The following CYP3A5 variants were observed in gnomAD, a reference collection of about 807,000 sequenced individuals.
CYP3A5 encodes cytochrome P450 3A5.
In CYP3A5, 51 loss-of-function variants were observed where a neutral mutation model predicts 55.9. The ratio of observed to expected loss-of-function variants is 0.91; its 90% confidence interval spans 0.73 to 1.15. CYP3A5 has a LOEUF of 1.15. Ranked by LOEUF, CYP3A5 falls within the 50% of genes most tolerant of loss-of-function variation. CYP3A5 has a pLI of 0.00. For synonymous variants in CYP3A5, 196 were observed against 213.9 expected, an observed-to-expected ratio of 0.92 and a Z score of 0.73; for missense variants, 533 against 596.6, an observed-to-expected ratio of 0.89 and a Z score of 1.11.
intron 2 of CYP3A5, 111 bp from the exon 3 acceptor site, chr7:99,674,696 C>A: frequency 1.3e-6 from 1 of 781,772 alleles, no homozygotes; most frequent in South Asian, 1.8e-5. Context: ...TGCTATCTTT[C>A]ACTGGCAGTT....
At chr7:99,672,123 C>T (rs941053588) in intron 4 of CYP3A5, among the ~76,000 whole-genome samples, 2 of 152,080 alleles carry the variant, frequency 1.3e-5, no homozygotes, top group Admixed American at 1.3e-4. Flanking sequence ...GTGATCTCGG[C>T]TCACTGCAAC....
At chr7:99,664,954 G>A (rs1810836873) in intron 7 of CYP3A5, among the ~76,000 whole-genome samples, 1 of 152,160 alleles carries the variant, frequency 6.6e-6, no homozygotes. Flanking sequence ...GGGCAGTGGG[G>A]TTTGTGGTGG....
At chr7:99,666,534 G>A (rs1282186908) in intron 6 of CYP3A5, 67 bp downstream of exon 6, 9 of 1,524,114 alleles carry the variant, frequency 5.9e-6, no homozygotes, top group Admixed American at 1.7e-5. Context: ...TGCGACTGTC[G>A]ACTCCATGGC....
At chr7:99,668,785 G>C (rs1272120646) in intron 4 of CYP3A5, among the ~76,000 whole-genome samples, 2 of 152,214 alleles carry the variant, frequency 1.3e-5, no homozygotes, top group Non-Finnish European at 2.9e-5. Context: ...GTCGCCATTT[G>C]TACGCATGTG....
chr7:99,659,760 A>C (rs1010953115), intron 10 of CYP3A5: 2 of 153,192 alleles, frequency 1.3e-5, no homozygotes, highest in Non-Finnish European at 2.9e-5. Flanking sequence ...TTACCTACTC[A>C]AGCCTTAGCA....
chr7:99,656,770 G>T (rs1005021385), intron 10 of CYP3A5, among the ~76,000 whole-genome samples: 1 of 152,136 alleles, frequency 6.6e-6, no homozygotes, highest in African/African-American at 2.4e-5. Flanking sequence ...CCTGTTATTG[G>T]TCTATTCAGA....
intron 4 of CYP3A5, 128 bp downstream of exon 4, chr7:99,672,452 G>A (rs1584467066): frequency 2.7e-6 from 2 of 753,042 alleles, no homozygotes; most frequent in East Asian, 5.2e-5. Flanking sequence ...GGGCGGGACA[G>A]GATGAAGAGT....
At chr7:99,678,379 C>T (rs149255144) in intron 1 of CYP3A5, among the ~76,000 whole-genome samples, 3 of 152,338 alleles carry the variant, frequency 2.0e-5, no homozygotes, top group Admixed American at 2.0e-4. Flanking sequence ...GAAGCCTTTG[C>T]TATCGTCACT....
chr7:99,665,009 C>T (rs949957768), intron 7 of CYP3A5, among the ~76,000 whole-genome samples, 157 bp downstream of exon 7: 3 of 152,138 alleles, frequency 2.0e-5, no homozygotes, highest in African/African-American at 7.2e-5. Flanking sequence ...TTGACAAAAA[C>T]ATTTTAGTTT....
intron 11 of CYP3A5, 92 bp downstream of exon 11, chr7:99,652,461 C>A: frequency 1.3e-6 from 1 of 764,200 alleles, no homozygotes. Flanking sequence ...AATGATTGTA[C>A]AACCACACGA....
chr7:99,665,791 A>G lies in CYP3A5; in HGVS notation c.522-477T>C, dbSNP rs192382783. Among the ~76,000 whole-genome samples the G allele has an allele frequency of 9.2e-5, 14 of 152,350 alleles. No homozygotes were observed. In the East Asian group the frequency reaches 2.7e-3, roughly 29 times the overall value. ...CAGTAACACCCTGTTCTGAGTTCCTAGAAATATCATCCTTTATTCTCTACA... is the reference window on the plus strand; with the variant it reads ...CAGTAACACCCTGTTCTGAGTTCCTGGAAATATCATCCTTTATTCTCTACA... On this transcript the variant is annotated intron_variant, in intron 6 of 12. Transcript: ENST00000222982.
intron 9 of CYP3A5, among the ~76,000 whole-genome samples, chr7:99,661,142 A>G (rs999693678): frequency 6.6e-6 from 1 of 152,186 alleles, no homozygotes; most frequent in African/African-American, 2.4e-5. Context: ...TTTTCTCTAT[A>G]TATGTTTGAG....
intron 12 of CYP3A5, among the ~76,000 whole-genome samples, chr7:99,648,833 TG>T (rs1186497617): frequency 6.6e-6 from 1 of 152,216 alleles, no homozygotes; most frequent in Non-Finnish European, 1.5e-5. Flanking sequence ...TTTAATTATG[TG>T]GGCAGTTTTC....
intron 12 of CYP3A5, among the ~76,000 whole-genome samples, chr7:99,649,549 C>T (rs965642490): frequency 9.2e-5 from 14 of 152,164 alleles, no homozygotes; most frequent in Non-Finnish European, 1.3e-4. Context: ...CTTGGCTTCA[C>T]GTGAGAACTA....
At chr7:99,661,936 G>A (rs1810488725) in intron 9 of CYP3A5, among the ~76,000 whole-genome samples, 1 of 152,158 alleles carries the variant, frequency 6.6e-6, no homozygotes, top group African/African-American at 2.4e-5. Flanking sequence ...AGTGGCATTG[G>A]CCACATGTCC....
Position 99,672,680 on chromosome 7 carries a change from C to G in CYP3A5, c.219-1G>C, listed in dbSNP as rs1220943116. 6.2e-7 allele frequency: 1 copy of G among 1,613,942 alleles called. No homozygotes were observed. The highest frequency in any genetic ancestry group is 2.2e-5 in the East Asian group (1 of 44,890). On this transcript the variant is annotated splice_acceptor_variant, in intron 3 of 12. Coordinates refer to ENST00000222982, the MANE Select transcript of CYP3A5 (RefSeq NM_000777.5). LOFTEE classifies it high-confidence loss of function. ...CACAGGGAGTTGACCTTCATACGTT[C>G]TGTGTGGGGACAACGGAGCTGATTA...
chr7:99,651,269 C>A (rs1332674348), intron 11 of CYP3A5, among the ~76,000 whole-genome samples: 1 of 152,130 alleles, frequency 6.6e-6, no homozygotes, highest in African/African-American at 2.4e-5. Context: ...TATATACACA[C>A]ACATATACGT....
chr7:99,679,698 A>G lies in CYP3A5; in HGVS notation c.71+128T>C, dbSNP rs905888885. 17 of 811,240 alleles carry G rather than the reference A, an allele frequency of 2.1e-5. No homozygotes were observed. In the African/African-American group the frequency reaches 2.6e-4, roughly 12 times the overall value. 50.3% of individuals were successfully genotyped at this position (811,240 alleles called of 1,614,324 possible). Reference sequence around the variant, plus strand: ...ATAATAATAACTTCTATGCGTTTGTAGCGTCCAACACTTCAGCTACTTCTC... The same window carrying G: ...ATAATAATAACTTCTATGCGTTTGTGGCGTCCAACACTTCAGCTACTTCTC... On this transcript the variant is annotated intron_variant, in intron 1 of 12. Coordinates refer to ENST00000222982, the MANE Select transcript of CYP3A5 (RefSeq NM_000777.5).
rs569042578 is a variant in CYP3A5 at position 99,653,003 on chromosome 7, T to A, written c.1027-224A>T. Among the ~76,000 whole-genome samples, 1 of 152,280 alleles carries A rather than the reference T, an allele frequency of 6.6e-6. No individual in the cohort carries two copies. The highest frequency in any genetic ancestry group is 2.1e-4 in the South Asian group (1 of 4,824). On this transcript the variant is annotated intron_variant, in intron 10 of 12. Coordinates refer to ENST00000222982, the MANE Select transcript of CYP3A5 (RefSeq NM_000777.5). The surrounding 1 kb of genome is among the most constrained non-coding windows in gnomAD (Gnocchi z 4.2). ...TGAATGTAGGAGATATTCAAGACCATCCTCACCCCAGGGACTGAAATCCTT... is the reference window on the plus strand; with the variant it reads ...TGAATGTAGGAGATATTCAAGACCAACCTCACCCCAGGGACTGAAATCCTT...
Sources: allele counts gnomAD v4.1 joint callset (sites outside exome capture counted in the v4.1 genomes callset), GRCh38; gene constraint gnomAD v4.1.1; non-coding constraint Gnocchi (gnomAD v3.1); transcripts MANE v1.5; gene names NCBI Gene and HGNC (gene_info 2026-07-23, HGNC 2026-07-21).